DENND1A: variants seen among roughly 807,000 people sequenced by gnomAD.
DENND1A encodes DENN domain-containing protein 1A.
In DENND1A, 51 loss-of-function variants were observed where a neutral mutation model predicts 113.7. The observed-to-expected ratio is 0.45, with a 90% CI of 0.36 to 0.57. The LOEUF is 0.57. DENND1A is among the 20% of genes least tolerant of loss of function. The pLI is 0.00. For missense variants in DENND1A, 1,258 were observed against 1,395.9 expected (o/e 0.90, Z 1.57); for synonymous variants, 565 against 570.8 (o/e 0.99, Z 0.14).
At chr9:123,693,201 C>T (rs2065285180) in intron 5 of DENND1A, among the ~76,000 whole-genome samples, 2 of 152,196 alleles carry the variant, frequency 1.3e-5, no homozygotes, top group Admixed American at 1.3e-4. Flanking sequence ...TAAATGTTTG[C>T]TTGTGCACCA....
chr9:123,635,477 T>A (rs2061658647), intron 9 of DENND1A, among the ~76,000 whole-genome samples: 1 of 152,212 alleles, frequency 6.6e-6, no homozygotes, highest in South Asian at 2.1e-4. Context: ...CAAAAAGTAT[T>A]CGAGTGTATA....
chr9:123,733,797 C>A (rs2068361014), intron 5 of DENND1A, among the ~76,000 whole-genome samples: 1 of 151,810 alleles, frequency 6.6e-6, no homozygotes, highest in African/African-American at 2.4e-5. Flanking sequence ...TCCCAAGCAG[C>A]TGAGACTACA....
At chr9:123,497,829 A>G (rs1327841437) in intron 13 of DENND1A, among the ~76,000 whole-genome samples, 1 of 151,956 alleles carries the variant, frequency 6.6e-6, no homozygotes, top group African/African-American at 2.4e-5. Flanking sequence ...AAAAAAAAAA[A>G]AAGAAAAAAT....
At chr9:123,535,114 G>A (rs2055636457) in intron 13 of DENND1A, among the ~76,000 whole-genome samples, 1 of 152,036 alleles carries the variant, frequency 6.6e-6, no homozygotes, top group African/African-American at 2.4e-5. Flanking sequence ...CATTTCCACT[G>A]ACCACAGTGG....
At chr9:123,460,163 C>T (rs547022598) in intron 13 of DENND1A, among the ~76,000 whole-genome samples, 7 of 152,124 alleles carry the variant, frequency 4.6e-5, no homozygotes, top group African/African-American at 1.2e-4. Flanking sequence ...ATTTTGTGTA[C>T]GAGAAAAAAA....
intron 13 of DENND1A, among the ~76,000 whole-genome samples, chr9:123,463,940 AAAT>A (rs957090473): frequency 6.6e-6 from 1 of 151,490 alleles, no homozygotes; most frequent in African/African-American, 2.4e-5. Flanking sequence ...ATAAAAAAAC[AAAT>A]AATAATAAAA....
At position 123,928,252 on chromosome 9, in the gene DENND1A, T is replaced by C. The variant is rs377480233; in HGVS notation, c.17+1637A>G. Among the ~76,000 whole-genome samples the C allele has an allele frequency of 5.3e-5, 8 of 152,360 alleles. No homozygotes were observed. In the East Asian group the frequency reaches 1.5e-3, roughly 29 times the overall value. The stretch of plus-strand genomic sequence containing the variant: ...GATGGCTAGCCATCTGAACTTTTAC[T>C]TGCTGGATTTTAATACTGGTTCTGA... On this transcript the variant is annotated intron_variant, in intron 1 of 23. Coordinates refer to ENST00000394215, the MANE Select transcript of DENND1A (RefSeq NM_001352964.2).
chr9:123,557,428 C>T, intron 13 of DENND1A, 142 bp downstream of exon 13: 1 of 1,271,372 alleles, frequency 7.9e-7, no homozygotes, highest in Non-Finnish European at 1.1e-6. Context: ...AAGGGGAGTA[C>T]ACTGTCCCCC....
Position 123,735,816 on chromosome 9 carries a change from T to C in DENND1A, c.302+21887A>G, listed in dbSNP as rs556259414. On this transcript the variant is annotated intron_variant, in intron 5 of 23. Coordinates refer to ENST00000394215, the MANE Select transcript of DENND1A (RefSeq NM_001352964.2). ...GAGTTCAAGACCAGCCTGGCCAACA[T>C]GGTGAAACCCTGTCTCTTCCAAAAA... Among the ~76,000 whole-genome samples, 532 of 152,232 alleles carry C rather than the reference T, an allele frequency of 3.5e-3. 2 individuals carry two copies. The highest frequency in any genetic ancestry group is 0.011 in the African/African-American group (444 of 41,546).
intron 12 of DENND1A, among the ~76,000 whole-genome samples, chr9:123,579,284 G>A (rs188644074): frequency 6.6e-6 from 1 of 152,260 alleles, no homozygotes; most frequent in African/African-American, 2.4e-5. Context: ...AAGATCACAC[G>A]GACATGAAGT....
chr9:123,902,892 A>C (rs1851934602), intron 1 of DENND1A, among the ~76,000 whole-genome samples: 1 of 151,964 alleles, frequency 6.6e-6, no homozygotes, highest in African/African-American at 2.4e-5. Context: ...AAAATCTCTT[A>C]TGAATACAGA....
intron 2 of DENND1A, among the ~76,000 whole-genome samples, chr9:123,801,367 T>C (rs574274738): frequency 6.6e-6 from 1 of 152,330 alleles, no homozygotes; most frequent in South Asian, 2.1e-4. Flanking sequence ...TTTCTGTCTC[T>C]ATGAATTTGA....
At chr9:123,763,450 C>T (rs1180429570) in intron 4 of DENND1A, among the ~76,000 whole-genome samples, 1 of 152,126 alleles carries the variant, frequency 6.6e-6, no homozygotes, top group Non-Finnish European at 1.5e-5. Context: ...CCAAGAGTTC[C>T]ATTTGGGATA....
intron 13 of DENND1A, among the ~76,000 whole-genome samples, chr9:123,491,051 G>A (rs1420179723): frequency 6.6e-6 from 1 of 152,262 alleles, no homozygotes; most frequent in Non-Finnish European, 1.5e-5. Context: ...GAAGGACTGG[G>A]AGTGAGAACG....
chr9:123,539,703 G>A (rs2056127568), intron 13 of DENND1A, among the ~76,000 whole-genome samples: 1 of 152,052 alleles, frequency 6.6e-6, no homozygotes, highest in South Asian at 2.1e-4. Flanking sequence ...CTAACACGGT[G>A]AAACCCCATC....
chr9:123,739,728 A>AAGT (rs2068841831), intron 5 of DENND1A, among the ~76,000 whole-genome samples: 1 of 152,182 alleles, frequency 6.6e-6, no homozygotes, highest in Non-Finnish European at 1.5e-5. Flanking sequence ...AGAACTATTA[A>AAGT]TGAAAGTTTA....
intron 21 of DENND1A, among the ~76,000 whole-genome samples, chr9:123,397,466 A>C (rs2043192825): frequency 1.3e-5 from 2 of 152,174 alleles, no homozygotes; most frequent in Non-Finnish European, 2.9e-5. Flanking sequence ...GAATAAGGAT[A>C]TTTACCCTGG....
chr9:123,667,013 C>T lies in DENND1A; in HGVS notation c.507+13G>A. Reference sequence around the variant, plus strand: ...AATAAAAATTTAATTTTTTCTTCTTCCCAAGTACTTACATTCTCAGGTATG... The same window carrying T: ...AATAAAAATTTAATTTTTTCTTCTTTCCAAGTACTTACATTCTCAGGTATG... On this transcript the variant is annotated intron_variant, in intron 8 of 23. Transcript: ENST00000394215. 6.3e-7 allele frequency: 1 copy of T among 1,579,952 alleles called. No homozygotes were observed. Among genetic ancestry groups the T allele is most frequent in the South Asian group, 1.2e-5 (1 of 83,122 alleles).
In DENND1A at chr9:123,381,257, C is replaced by T. The variant is rs2042251830; in HGVS notation, c.*175G>A. 1 of 658,234 alleles carries T rather than the reference C, an allele frequency of 1.5e-6. No homozygotes were observed. Among genetic ancestry groups the T allele is most frequent in the South Asian group, 1.9e-5 (1 of 51,822 alleles). 40.8% of individuals were successfully genotyped at this position (658,234 alleles called of 1,614,324 possible). ...CCAGGCTGGAACTGGTGCCATTCCCCAGGGCCAGACATCAGAGATGGGCAG... is the reference window on the plus strand; with the variant it reads ...CCAGGCTGGAACTGGTGCCATTCCCTAGGGCCAGACATCAGAGATGGGCAG... On this transcript the variant is annotated 3_prime_UTR_variant, in exon 24 of 24. Transcript: ENST00000394215. The surrounding 1 kb of genome is among the most constrained non-coding windows in gnomAD (Gnocchi z 4.7).
Sources: gnomAD v4.1 joint callset for allele counts (sites outside exome capture counted in the v4.1 genomes callset) on GRCh38, gnomAD v4.1.1 for gene constraint, Gnocchi (gnomAD v3.1) non-coding constraint, MANE v1.5 for transcripts, NCBI Gene and HGNC (gene_info 2026-07-23, HGNC 2026-07-21) for gene names.